LINGO2: variants seen among roughly 807,000 people sequenced by gnomAD.
LINGO2 encodes leucine rich repeat and Ig domain containing 2.
LINGO2 carries 14 observed loss-of-function variants against 30.6 expected under a neutral mutation model. That is an observed-to-expected ratio of 0.46 (90% CI 0.30 to 0.72). The LOEUF (loss-of-function observed/expected upper bound fraction) is 0.72. Among genes scored for constraint, LINGO2 ranks in the 30% least tolerant of loss-of-function variants. The pLI, the probability that LINGO2 is intolerant of heterozygous loss-of-function variation, is 0.07. For synonymous variants in LINGO2, 317 were observed against 288.5 expected (o/e 1.10, Z -1.00); for missense variants, 729 against 751.7 (o/e 0.97, Z 0.35).
At chr9:28,427,156 A>G (rs1224101291) in intron 2 of LINGO2, among the ~76,000 whole-genome samples, 1 of 152,096 alleles carries the variant, frequency 6.6e-6, no homozygotes, top group Non-Finnish European at 1.5e-5. Context: ...CCCATGCAGT[A>G]AACATTAGGT....
intron 1 of LINGO2, among the ~76,000 whole-genome samples, chr9:28,544,650 G>A (rs375792294): frequency 7.0e-6 from 1 of 141,946 alleles, no homozygotes; most frequent in Non-Finnish European, 1.6e-5. Flanking sequence ...ACAACAAGAA[G>A]AATAGCAAAA....
chr9:28,632,261 C>A (rs547700025), intron 1 of LINGO2, among the ~76,000 whole-genome samples: 1 of 151,934 alleles, frequency 6.6e-6, no homozygotes. Flanking sequence ...TGGGAGAGAG[C>A]AATCAAATAT....
chr9:28,241,469 T>C lies in LINGO2; in HGVS notation c.-87+53739A>G, dbSNP rs565298683. 1.1e-3 allele frequency among the ~76,000 whole-genome samples: 167 copies of C among 151,760 alleles called. 2 individuals carry two copies. The highest frequency in any genetic ancestry group is 3.8e-3 in the African/African-American group (159 of 41,364). On this transcript the variant is annotated intron_variant, in intron 4 of 5. Transcript: ENST00000379992. ...ACTAGGCGGCAGGTATGACCCACAG[T>C]GAGGAAGGAAGGGCAGTGTGGTGCA...
At chr9:29,010,528 A>G in the LINGO2 span, among the ~76,000 whole-genome samples, 2 of 152,178 alleles carry the variant, frequency 1.3e-5, no homozygotes, top group Non-Finnish European at 2.9e-5. Flanking sequence ...GTAAATTACC[A>G]ACTTTCTTAA....
chr9:28,181,322 ATGTT>A (rs1828905131), intron 4 of LINGO2, among the ~76,000 whole-genome samples: 1 of 152,198 alleles, frequency 6.6e-6, no homozygotes, highest in Non-Finnish European at 1.5e-5. Context: ...CCTATGAACA[ATGTT>A]TGGAGGATTA....
At chr9:28,551,949 C>T (rs890140470) in intron 1 of LINGO2, among the ~76,000 whole-genome samples, 1 of 152,026 alleles carries the variant, frequency 6.6e-6, no homozygotes. Flanking sequence ...ATTACTTCTA[C>T]TCTTCCTTTT....
chr9:27,997,296 G>C (rs1821715180), intron 5 of LINGO2, among the ~76,000 whole-genome samples: 1 of 152,196 alleles, frequency 6.6e-6, no homozygotes, highest in Non-Finnish European at 1.5e-5. Flanking sequence ...TGAGGGTCAA[G>C]CTGTTCTTTG....
In LINGO2 at chr9:28,193,655, G is replaced by A. The variant is rs117253461; in HGVS notation, c.-87+101553C>T. ...ACTTTTGTTCTACTTAGCGATTGCT[G>A]TATAAGTCACCTCCAAACTCGGTGG... On this transcript the variant is annotated intron_variant, in intron 4 of 5. Coordinates refer to ENST00000379992, the Ensembl canonical transcript of LINGO2. Among the ~76,000 whole-genome samples the A allele has an allele frequency of 2.6e-3, 394 of 152,328 alleles. 10 individuals carry two copies. In the South Asian group the frequency reaches 0.053, roughly 21 times the overall value.
At chr9:27,989,164 C>T (rs149341561) in intron 5 of LINGO2, among the ~76,000 whole-genome samples, 7 of 152,064 alleles carry the variant, frequency 4.6e-5, no homozygotes, top group African/African-American at 1.4e-4. Flanking sequence ...AAAGCTCTAA[C>T]CCAGGTCTTT....
chr9:29,163,976 T>A, the LINGO2 span, among the ~76,000 whole-genome samples: 6 of 152,068 alleles, frequency 3.9e-5, no homozygotes, highest in African/African-American at 1.4e-4. Flanking sequence ...GATTAAGTGA[T>A]GCTATGTGAT....
chr9:28,863,635 A>G, the LINGO2 span: 518 of 532,490 alleles, frequency 9.7e-4, 10 homozygotes, highest in South Asian at 6.3e-3. Context: ...GTGAAGCACT[A>G]TGAATTACTT....
At chr9:28,201,055 C>G (rs2133820327) in intron 4 of LINGO2, among the ~76,000 whole-genome samples, 1 of 150,226 alleles carries the variant, frequency 6.7e-6, no homozygotes, top group South Asian at 2.1e-4. Flanking sequence ...CTCCTTGAGA[C>G]TTGATTTCTT....
At chr9:28,879,071 T>C in the LINGO2 span, among the ~76,000 whole-genome samples, 6 of 152,134 alleles carry the variant, frequency 3.9e-5, no homozygotes, top group Admixed American at 6.6e-5. Flanking sequence ...GATGACATGA[T>C]TGTACAACTA....
chr9:29,025,787 G>A, the LINGO2 span, among the ~76,000 whole-genome samples: 2 of 152,042 alleles, frequency 1.3e-5, no homozygotes, highest in Non-Finnish European at 2.9e-5. Context: ...GGTATCCTTT[G>A]ATCAACATCT....
At chr9:28,704,551 A>G in the LINGO2 span, among the ~76,000 whole-genome samples, 13 of 151,620 alleles carry the variant, frequency 8.6e-5, no homozygotes, top group Admixed American at 7.9e-4. Flanking sequence ...AAGTTATACC[A>G]TTTGTAATTG....
chr9:28,554,564 C>T (rs1057345997), intron 1 of LINGO2, among the ~76,000 whole-genome samples: 54 of 146,406 alleles, frequency 3.7e-4, no homozygotes, highest in East Asian at 3.4e-3. Context: ...ACTCTAACAC[C>T]CCACTGTCAA....
intron 2 of LINGO2, among the ~76,000 whole-genome samples, chr9:28,445,289 T>G (rs763917570): frequency 2.0e-5 from 3 of 152,204 alleles, no homozygotes; most frequent in Non-Finnish European, 4.4e-5. Flanking sequence ...CACTTGATAG[T>G]TGCCATGTTC....
chr9:28,013,137 C>T (rs901188126), intron 4 of LINGO2, among the ~76,000 whole-genome samples: 5 of 152,150 alleles, frequency 3.3e-5, no homozygotes, highest in African/African-American at 1.2e-4. Flanking sequence ...ATTTTCTGAG[C>T]ACTGGGTCTC....
At chr9:28,348,487 C>T (rs563646561) in intron 3 of LINGO2, among the ~76,000 whole-genome samples, 4 of 152,194 alleles carry the variant, frequency 2.6e-5, no homozygotes, top group East Asian at 1.9e-4. Flanking sequence ...GCACCTGGCT[C>T]GGAGGGTCCA....
Sources: allele counts gnomAD v4.1 joint callset (sites outside exome capture counted in the v4.1 genomes callset), GRCh38; gene constraint gnomAD v4.1.1; transcripts MANE v1.5; gene names NCBI Gene and HGNC (gene_info 2026-07-23, HGNC 2026-07-21).